The following C1QTNF7 variants were observed in gnomAD, a reference collection of about 807,000 sequenced individuals.
C1QTNF7 encodes complement C1q tumor necrosis factor-related protein 7.
Under a neutral mutation model 19.6 loss-of-function variants are expected in C1QTNF7, and 15 were observed. The observed-to-expected ratio is 0.76, with a 90% CI of 0.51 to 1.18. The LOEUF (loss-of-function observed/expected upper bound fraction) is 1.18, where lower values mean the gene tolerates loss of function less well. Among genes scored for constraint, C1QTNF7 ranks in the 50% most tolerant of loss-of-function variants. The pLI is 0.00. For missense variants in C1QTNF7, 324 were observed against 359.7 expected (o/e 0.90, Z 0.80); for synonymous variants, 142 against 137.5 (o/e 1.03, Z -0.23).
intron 1 of C1QTNF7, among the ~76,000 whole-genome samples, chr4:15,362,257 A>C (rs1190492853): frequency 2.0e-5 from 3 of 152,186 alleles, no homozygotes; most frequent in African/African-American, 7.2e-5. Context: ...GAGGTCCTCA[A>C]TGGCTGAGAA....
chr4:15,357,365 A>G (rs1020924176), intron 1 of C1QTNF7, among the ~76,000 whole-genome samples: 1 of 152,164 alleles, frequency 6.6e-6, no homozygotes, highest in African/African-American at 2.4e-5. Flanking sequence ...TCCTTTCCCC[A>G]TTGCTTGTTT....
At chr4:15,373,690 G>A (rs1717816431) in intron 1 of C1QTNF7, 1 of 152,192 alleles carries the variant, frequency 6.6e-6, no homozygotes, top group Non-Finnish European at 1.5e-5. Flanking sequence ...TGAGGCACAT[G>A]TTAAGATATG....
chr4:15,345,377 C>A (rs2109281030), intron 1 of C1QTNF7, among the ~76,000 whole-genome samples: 1 of 152,330 alleles, frequency 6.6e-6, no homozygotes, highest in South Asian at 2.1e-4. Context: ...GACCAGGCAG[C>A]CCTCCCTTCT....
chr4:15,348,583 G>A (rs759537586), intron 1 of C1QTNF7, among the ~76,000 whole-genome samples: 16 of 152,160 alleles, frequency 1.1e-4, no homozygotes, highest in Non-Finnish European at 7.3e-5. Flanking sequence ...GCAGGGCAGA[G>A]ACCCCAGAGA....
intron 1 of C1QTNF7, among the ~76,000 whole-genome samples, chr4:15,347,995 A>G (rs919882222): frequency 8.5e-5 from 13 of 152,120 alleles, no homozygotes; most frequent in African/African-American, 2.9e-4. Context: ...TTTGCTCATC[A>G]TTGATAATGG....
chr4:15,342,019 A>C (rs560419681), intron 1 of C1QTNF7, among the ~76,000 whole-genome samples: 28 of 152,290 alleles, frequency 1.8e-4, no homozygotes, highest in Non-Finnish European at 3.1e-4. Flanking sequence ...CAAAAACAAA[A>C]AGGCTATTAG....
chr4:15,381,414 T>C (rs1481113286), intron 1 of C1QTNF7, among the ~76,000 whole-genome samples: 3 of 118,390 alleles, frequency 2.5e-5, no homozygotes, highest in Non-Finnish European at 4.9e-5. Flanking sequence ...AGTGTGAGAC[T>C]CCATCTCAAA....
At chr4:15,439,242 T>C (rs1037375958) in intron 2 of C1QTNF7, among the ~76,000 whole-genome samples, 3 of 152,222 alleles carry the variant, frequency 2.0e-5, no homozygotes, top group African/African-American at 7.2e-5. Flanking sequence ...AGCTAGTCCA[T>C]GATTATCTAT....
chr4:15,399,578 AC>A (rs1718911629), intron 1 of C1QTNF7, among the ~76,000 whole-genome samples: 1 of 152,278 alleles, frequency 6.6e-6, no homozygotes, highest in South Asian at 2.1e-4. Context: ...AAATGTGATG[AC>A]CCATTTAAAG....
intron 1 of C1QTNF7, among the ~76,000 whole-genome samples, chr4:15,407,100 C>A (rs963059388): frequency 6.6e-6 from 1 of 152,082 alleles, no homozygotes; most frequent in African/African-American, 2.4e-5. Flanking sequence ...GACCAAGCGG[C>A]TCTTAATTAT....
At chr4:15,395,916 G>T (rs1718765189) in intron 1 of C1QTNF7, among the ~76,000 whole-genome samples, 1 of 152,152 alleles carries the variant, frequency 6.6e-6, no homozygotes, top group Non-Finnish European at 1.5e-5. Flanking sequence ...TGACTCCAAA[G>T]ACACTGTTTT....
intron 1 of C1QTNF7, among the ~76,000 whole-genome samples, chr4:15,409,839 A>G (rs1243331769): frequency 3.9e-5 from 6 of 152,224 alleles, no homozygotes; most frequent in Admixed American, 3.9e-4. Flanking sequence ...ATACATATAA[A>G]GCATTCCACA....
intron 1 of C1QTNF7, among the ~76,000 whole-genome samples, chr4:15,404,758 TGAGA>T (rs766822564): frequency 6.6e-6 from 1 of 152,150 alleles, no homozygotes; most frequent in Non-Finnish European, 1.5e-5. Flanking sequence ...CCAAACAGTC[TGAGA>T]GAGAAAGCAA....
At chr4:15,441,011 G>A (rs1167133596) in intron 2 of C1QTNF7, among the ~76,000 whole-genome samples, 1 of 151,990 alleles carries the variant, frequency 6.6e-6, no homozygotes, top group Admixed American at 6.6e-5. Flanking sequence ...ATGTGGTGGT[G>A]CACACCTGTA....
chr4:15,445,910 A>C lies in C1QTNF7; in HGVS notation c.*3111A>C, dbSNP rs1712979477. On this transcript the variant is annotated 3_prime_UTR_variant, in exon 3 of 3. Transcript: ENST00000444304. ...AGCAGTCAAAAGCAGATGAGAAGAAATGGGAAAAACAAAAAAAAAAGAAAA... is the reference window on the plus strand; with the variant it reads ...AGCAGTCAAAAGCAGATGAGAAGAACTGGGAAAAACAAAAAAAAAAGAAAA... 1 of 152,196 alleles carries C rather than the reference A, an allele frequency of 6.6e-6. No individual in the cohort carries two copies. Among genetic ancestry groups the C allele is most frequent in the Non-Finnish European group, 1.5e-5 (1 of 68,028 alleles). The allele number at this position is 152,196 out of a possible 1,614,324, so 9.4% of individuals were successfully genotyped here.
At chr4:15,432,256 C>A (rs1341794405) in intron 1 of C1QTNF7, among the ~76,000 whole-genome samples, 1 of 152,162 alleles carries the variant, frequency 6.6e-6, no homozygotes, top group African/African-American at 2.4e-5. Context: ...AATGAAGAAC[C>A]AAACAGCGTG....
intron 2 of C1QTNF7, 87 bp from the exon 3 acceptor site, chr4:15,442,081 T>C: frequency 4.9e-6 from 7 of 1,438,966 alleles, no homozygotes; most frequent in Non-Finnish European, 6.6e-6. Context: ...AAAGACAAAG[T>C]TGGGATGTGC....
intron 1 of C1QTNF7, among the ~76,000 whole-genome samples, chr4:15,399,770 G>C (rs1397932979): frequency 6.6e-6 from 1 of 152,216 alleles, no homozygotes; most frequent in Admixed American, 6.5e-5. Flanking sequence ...TAGGTATTAA[G>C]TAAGTGAATG....
chr4:15,388,396 A>G (rs902222818), intron 1 of C1QTNF7, among the ~76,000 whole-genome samples: 2 of 152,192 alleles, frequency 1.3e-5, no homozygotes, highest in African/African-American at 2.4e-5. Context: ...ATAAGTTACA[A>G]CATAAAGAGG....
Sources: allele counts gnomAD v4.1 joint callset (sites outside exome capture counted in the v4.1 genomes callset), GRCh38; gene constraint gnomAD v4.1.1; transcripts MANE v1.5; gene names NCBI Gene and HGNC (gene_info 2026-07-23, HGNC 2026-07-21).